Variants in ACTR5 observed in about 807,000 individuals in gnomAD.
The protein encoded by ACTR5 is actin related protein 5.
ACTR5 carries 43 observed loss-of-function variants against 61.2 expected under a neutral mutation model. That is an observed-to-expected ratio of 0.70 (90% CI 0.55 to 0.91). The LOEUF (loss-of-function observed/expected upper bound fraction) is 0.91. Among genes scored for constraint, ACTR5 ranks in the 40% least tolerant of loss-of-function variants. The pLI is 0.00. For missense variants in ACTR5, 798 were observed against 782.2 expected (o/e 1.02, Z -0.24); for synonymous variants, 333 against 310.5 (o/e 1.07, Z -0.76).
intron 5 of ACTR5, among the ~76,000 whole-genome samples, chr20:38,760,479 C>T (rs2084446804): frequency 6.6e-6 from 1 of 152,172 alleles, no homozygotes. Context: ...GAAAACAAAA[C>T]AGATGTAGGA....
intron 8 of ACTR5, 128 bp downstream of exon 8, chr20:38,767,724 A>G: frequency 9.4e-7 from 1 of 1,068,362 alleles, no homozygotes; most frequent in Non-Finnish European, 1.3e-6. Context: ...TCTTAAGTCC[A>G]TGCTTAATTT....
At chr20:38,757,014 T>C (rs1180035272) in intron 5 of ACTR5, among the ~76,000 whole-genome samples, 1 of 152,226 alleles carries the variant, frequency 6.6e-6, no homozygotes, top group Non-Finnish European at 1.5e-5. Context: ...AACCTCAGAC[T>C]CCTGGGCTTA....
In ACTR5 at chr20:38,748,756, TGCTGCG is replaced by T; in HGVS notation, c.279_284del (p.Met93_Arg95delinsIle). Reference sequence around the variant, plus strand: ...GGCAGCCTGGAGCCACTGCGCTGGATGCTGCGCTCGCCCTTCGACCGCAACGTGCCG... The same window carrying T: ...GGCAGCCTGGAGCCACTGCGCTGGATCTCGCCCTTCGACCGCAACGTGCCG... On this transcript the variant is annotated inframe_deletion, in exon 1 of 9. Transcript: ENST00000243903. The T allele has an allele frequency of 3.7e-6, 6 of 1,600,840 alleles. No individual in the cohort carries two copies. Among genetic ancestry groups the T allele is most frequent in the Non-Finnish European group, 5.1e-6 (6 of 1,175,338 alleles).
rs750287363 is a variant in ACTR5 at position 38,748,644 on chromosome 20, G to A, written c.166G>A (p.Glu56Lys). The A allele has an allele frequency of 8.5e-5, 129 of 1,517,504 alleles. No homozygotes were observed. Among genetic ancestry groups the A allele is most frequent in the Admixed American group, 1.7e-4 (8 of 45,946 alleles). 94.0% of individuals were successfully genotyped at this position (1,517,504 alleles called of 1,614,324 possible). A position where few individuals can be genotyped will look rare whatever the true frequency, so the allele number is the denominator to read the frequency against. Residue 56 changes from glutamate (E) to lysine (K), a missense_variant, in exon 1 of 9, where the codon GAG becomes AAG. Glu to Lys is a moderately conservative substitution (Grantham distance 56, BLOSUM62 1). Transcript: ENST00000243903. ...WACPGQDPGP[E>K]PRLQFRAVCA... is the part of the protein sequence containing the mutation. ...GTGTCCCGGGCAGGACCCAGGTCCC[G>A]AGCCGCGCCTGCAGTTCCGCGCGGT...
At chr20:38,770,520 G>T (rs992576140) in intron 8 of ACTR5, among the ~76,000 whole-genome samples, 4 of 151,768 alleles carry the variant, frequency 2.6e-5, no homozygotes, top group Non-Finnish European at 5.9e-5. Context: ...AAATTATTAT[G>T]ACAATTTTTT....
rs112273594 is a variant in ACTR5, at chr20:38,755,263, A to G, written c.993+89A>G. 8.4e-4 allele frequency: 1,151 copies of G among 1,373,876 alleles called. 8 individuals are homozygous for G. The African/African-American group carries it at 0.015, about 18-fold the overall frequency. The allele number at this position is 1,373,876 out of a possible 1,614,324, so 85.1% of individuals were successfully genotyped here. ...TGCATATTTTTCCATTGGCCTTAAG[A>G]TGCTTTGACTGTTTGTCACCTTTGG... On this transcript the variant is annotated intron_variant, in intron 4 of 8. Transcript: ENST00000243903.
chr20:38,754,104 G>A (rs1165734618), intron 3 of ACTR5, among the ~76,000 whole-genome samples: 1 of 152,108 alleles, frequency 6.6e-6, no homozygotes, highest in Non-Finnish European at 1.5e-5. Flanking sequence ...TGTATACATT[G>A]GAAACCCATC....
chr20:38,768,129 A>G (rs1021661089), intron 8 of ACTR5, among the ~76,000 whole-genome samples: 1 of 152,044 alleles, frequency 6.6e-6, no homozygotes, highest in South Asian at 2.1e-4. Context: ...GTGTACATTC[A>G]GGGGGGCGTC....
At chr20:38,752,419 AT>A in intron 3 of ACTR5, 119 bp downstream of exon 3, 1 of 1,147,724 alleles carries the variant, frequency 8.7e-7, no homozygotes, top group Non-Finnish European at 1.2e-6. Context: ...CCCTTTTTGT[AT>A]TCCCTTTCTT....
In ACTR5 at chr20:38,771,866, T is replaced by A; in HGVS notation, c.*50T>A. ...CTGCACGCCATGCCTTGGGCCACGTTGGCAGTGTGACAGGACTGTGATTGT... is the reference window on the plus strand; with the variant it reads ...CTGCACGCCATGCCTTGGGCCACGTAGGCAGTGTGACAGGACTGTGATTGT... On this transcript the variant is annotated 3_prime_UTR_variant, in exon 9 of 9. Coordinates refer to ENST00000243903, the MANE Select transcript of ACTR5 (RefSeq NM_024855.4). 6.4e-7 allele frequency: 1 copy of A among 1,562,970 alleles called. No homozygotes were observed. The highest frequency in any genetic ancestry group is 8.6e-7 in the Non-Finnish European group (1 of 1,157,976).
chr20:38,748,489 A>C lies in ACTR5; in HGVS notation c.11A>C (p.Asn4Thr). The C allele has an allele frequency of 6.7e-7, 1 of 1,489,132 alleles. No individual in the cohort carries two copies. 92.2% of individuals were successfully genotyped at this position (1,489,132 alleles called of 1,614,324 possible). ...GACGCGCGCTCCAAGATGGCGGCGA[A>C]CGTGTTCCCGTTCCGCGACGCCCGT... MAA[N>T]VFPFRDARAA... The change falls in exon 1 of 9, where the codon AAC becomes ACC. Residue 4 changes from asparagine to threonine, a missense_variant. By Grantham distance (65) the Asn-to-Thr change is moderately conservative. Coordinates refer to ENST00000243903, the MANE Select transcript of ACTR5 (RefSeq NM_024855.4).
At chr20:38,751,407 G>A (rs1813704857) in intron 2 of ACTR5, among the ~76,000 whole-genome samples, 2 of 152,162 alleles carry the variant, frequency 1.3e-5, no homozygotes, top group African/African-American at 4.8e-5. Flanking sequence ...AAATGCTCCT[G>A]ATGTATGAAG....
chr20:38,771,193 G>A (rs1486725159), intron 8 of ACTR5, among the ~76,000 whole-genome samples: 1 of 152,242 alleles, frequency 6.6e-6, no homozygotes, highest in African/African-American at 2.4e-5. Context: ...TCTACTCAGA[G>A]TGGGGAGCGG....
chr20:38,755,390 T>G (rs1378277258), intron 4 of ACTR5, among the ~76,000 whole-genome samples: 1 of 152,250 alleles, frequency 6.6e-6, no homozygotes, highest in Non-Finnish European at 1.5e-5. Flanking sequence ...TTTCACCTTA[T>G]AAACTCCTTT....
chr20:38,756,379 T>C (rs1293305281), intron 5 of ACTR5, among the ~76,000 whole-genome samples: 4 of 152,226 alleles, frequency 2.6e-5, no homozygotes, highest in African/African-American at 9.6e-5. Flanking sequence ...ATTAAATATA[T>C]TGTGGTTGAT....
intron 5 of ACTR5, among the ~76,000 whole-genome samples, chr20:38,758,216 A>G (rs1279340811): frequency 6.6e-6 from 1 of 152,166 alleles, no homozygotes; most frequent in Non-Finnish European, 1.5e-5. Flanking sequence ...TTCATCACCC[A>G]TTCCCCCATT....
intron 5 of ACTR5, among the ~76,000 whole-genome samples, chr20:38,759,922 C>CTGA (rs2084443786): frequency 1.3e-5 from 2 of 152,010 alleles, no homozygotes; most frequent in South Asian, 4.1e-4. Flanking sequence ...AATCCCAACA[C>CTGA]TGAGAGGCTG....
chr20:38,766,210 A>G, intron 6 of ACTR5, 28 bp from the exon 7 acceptor site: 4 of 1,586,948 alleles, frequency 2.5e-6, no homozygotes, highest in Non-Finnish European at 2.6e-6. Flanking sequence ...TGGCCTAAAA[A>G]TATCTTTTAA....
At chr20:38,767,127 A>C (rs2084491373) in intron 7 of ACTR5, among the ~76,000 whole-genome samples, 1 of 152,218 alleles carries the variant, frequency 6.6e-6, no homozygotes, top group Non-Finnish European at 1.5e-5. Context: ...AATTGTAGTG[A>C]TGGTTACTGG....
Sources: gnomAD v4.1 joint callset for allele counts (sites outside exome capture counted in the v4.1 genomes callset) on GRCh38, gnomAD v4.1.1 for gene constraint, MANE v1.5 for transcripts, NCBI Gene and HGNC (gene_info 2026-07-23, HGNC 2026-07-21) for gene names.